The following FSTL4 variants were observed in gnomAD, a reference collection of about 807,000 sequenced individuals.
FSTL4 encodes follistatin like 4.
FSTL4 carries 28 observed loss-of-function variants against 78.2 expected under a neutral mutation model. The observed-to-expected ratio is 0.36, with a 90% CI of 0.27 to 0.49. The LOEUF (loss-of-function observed/expected upper bound fraction) is 0.49. Among genes scored for constraint, FSTL4 ranks in the 20% least tolerant of loss-of-function variants. The pLI is 0.98. For synonymous variants in FSTL4, 422 were observed against 440.5 expected (o/e 0.96, Z 0.53); for missense variants, 922 against 1,084.9 (o/e 0.85, Z 2.11).
intron 3 of FSTL4, among the ~76,000 whole-genome samples, chr5:133,448,491 A>G (rs1757311575): frequency 6.6e-6 from 1 of 152,210 alleles, no homozygotes; most frequent in African/African-American, 2.4e-5. Context: ...ACATGATGTC[A>G]GGTGTTCCCT....
the FSTL4 span, among the ~76,000 whole-genome samples, chr5:133,662,419 T>A: frequency 6.6e-6 from 1 of 152,164 alleles, no homozygotes; most frequent in Non-Finnish European, 1.5e-5. Flanking sequence ...TGGAATGCAA[T>A]TGGAATTTGT....
At chr5:133,345,794 A>C (rs1754685952) in intron 4 of FSTL4, among the ~76,000 whole-genome samples, 1 of 152,224 alleles carries the variant, frequency 6.6e-6, no homozygotes, top group Non-Finnish European at 1.5e-5. Context: ...TGTTGGTGGG[A>C]GTATAAATTA....
the FSTL4 span, among the ~76,000 whole-genome samples, chr5:133,829,018 G>A: frequency 2.6e-5 from 4 of 152,238 alleles, no homozygotes; most frequent in South Asian, 2.1e-4. Flanking sequence ...CCGGGGCCAC[G>A]TGCTTCTCAT....
At chr5:133,638,911 AT>A in the FSTL4 span, among the ~76,000 whole-genome samples, 5 of 102,214 alleles carry the variant, frequency 4.9e-5, no homozygotes, top group African/African-American at 1.7e-4. Context: ...CTCTATTGAC[AT>A]GTATTTTAGG....
At chr5:133,383,463 G>T (rs968190438) in intron 4 of FSTL4, among the ~76,000 whole-genome samples, 18 of 152,144 alleles carry the variant, frequency 1.2e-4, no homozygotes, top group African/African-American at 4.3e-4. Context: ...TCAGGCAAAG[G>T]TACTTGTCAA....
At chr5:133,628,351 C>T in the FSTL4 span, among the ~76,000 whole-genome samples, 6 of 141,014 alleles carry the variant, frequency 4.3e-5, no homozygotes, top group Non-Finnish European at 9.1e-5. Flanking sequence ...TGTTTCTTTT[C>T]TTTTCTTTTC....
chr5:133,745,628 C>G, the FSTL4 span, among the ~76,000 whole-genome samples: 6 of 152,198 alleles, frequency 3.9e-5, no homozygotes, highest in African/African-American at 7.2e-5. Context: ...TCCAGGTTGC[C>G]CTTTGACCTC....
chr5:133,644,246 C>T, the FSTL4 span, among the ~76,000 whole-genome samples: 1 of 152,136 alleles, frequency 6.6e-6, no homozygotes, highest in Non-Finnish European at 1.5e-5. Flanking sequence ...CTAAAAAAGA[C>T]CATTCCATTG....
the FSTL4 span, among the ~76,000 whole-genome samples, chr5:133,800,649 T>G: frequency 7.3e-6 from 1 of 137,200 alleles, no homozygotes; most frequent in African/African-American, 2.7e-5. Context: ...AATAACTACT[T>G]CGCAGCCCTT....
intron 3 of FSTL4, among the ~76,000 whole-genome samples, chr5:133,447,556 T>C (rs1286701618): frequency 1.3e-5 from 2 of 152,198 alleles, no homozygotes; most frequent in Non-Finnish European, 2.9e-5. Context: ...CTCTTTTTTT[T>C]TGAGACTGAG....
intron 8 of FSTL4, among the ~76,000 whole-genome samples, chr5:133,229,624 T>C (rs528940909): frequency 2.6e-5 from 4 of 152,116 alleles, no homozygotes; most frequent in Non-Finnish European, 5.9e-5. Context: ...AAGGGAGTGA[T>C]TGTCATTTTG....
chr5:133,590,982 C>T (rs1405574702), intron 2 of FSTL4, among the ~76,000 whole-genome samples: 1 of 152,196 alleles, frequency 6.6e-6, no homozygotes, highest in Non-Finnish European at 1.5e-5. Flanking sequence ...TACCTAAACA[C>T]CCCCATTAGG....
the FSTL4 span, among the ~76,000 whole-genome samples, chr5:133,708,779 C>T: frequency 6.6e-6 from 1 of 152,180 alleles, no homozygotes; most frequent in African/African-American, 2.4e-5. Context: ...CAGGGAGTTG[C>T]CTATGATGTG....
intron 3 of FSTL4, among the ~76,000 whole-genome samples, chr5:133,498,843 T>C (rs1580747868): frequency 1.3e-5 from 2 of 151,934 alleles, no homozygotes; most frequent in East Asian, 3.9e-4. Context: ...ACTCACTTTT[T>C]ATTGAGCACC....
At chr5:133,324,849 C>T (rs1308240380) in intron 4 of FSTL4, among the ~76,000 whole-genome samples, 1 of 152,258 alleles carries the variant, frequency 6.6e-6, no homozygotes, top group African/African-American at 2.4e-5. Context: ...TGTCACCCAT[C>T]ATGTCAGTTC....
At chr5:133,717,358 AG>A in the FSTL4 span, among the ~76,000 whole-genome samples, 3 of 152,258 alleles carry the variant, frequency 2.0e-5, no homozygotes, top group Non-Finnish European at 1.5e-5. Context: ...GTATTTCATT[AG>A]GATGGCAGAA....
intron 3 of FSTL4, among the ~76,000 whole-genome samples, chr5:133,448,731 T>A (rs1001989349): frequency 1.0e-3 from 1 of 1,000 alleles, no homozygotes; most frequent in Non-Finnish European, 2.3e-3. Context: ...TCCCCAGGGG[T>A]GCGGGGGCGG....
At chr5:133,510,812 C>T (rs189975514) in intron 3 of FSTL4, among the ~76,000 whole-genome samples, 37 of 152,126 alleles carry the variant, frequency 2.4e-4, no homozygotes, top group East Asian at 5.8e-4. Context: ...TGGATCTGAG[C>T]GCAAGGCTAG....
At chr5:133,614,004 G>C (rs1276141022), upstream of FSTL4, among the ~76,000 whole-genome samples, 1 of 152,116 alleles carries the variant, frequency 6.6e-6, no homozygotes, top group Non-Finnish European at 1.5e-5. Flanking sequence ...TTTTCATCTT[G>C]GGAAACAGAA....
Sources: gnomAD v4.1 joint callset for allele counts (sites outside exome capture counted in the v4.1 genomes callset) on GRCh38, gnomAD v4.1.1 for gene constraint, MANE v1.5 for transcripts, NCBI Gene and HGNC (gene_info 2026-07-23, HGNC 2026-07-21) for gene names.